CCDC149: variants seen among roughly 807,000 people sequenced by gnomAD.
The protein encoded by CCDC149 is coiled-coil domain-containing protein 149.
Under a neutral mutation model 59.9 loss-of-function variants are expected in CCDC149, and 45 were observed. The ratio of observed to expected loss-of-function variants is 0.75; its 90% CI spans 0.59 to 0.96. The LOEUF (loss-of-function observed/expected upper bound fraction) is 0.96. CCDC149 is among the 40% of genes least tolerant of loss of function. The pLI is 0.00. For synonymous variants in CCDC149, 245 were observed against 260.6 expected (o/e 0.94, Z 0.58); for missense variants, 584 against 664.7 (o/e 0.88, Z 1.33).
At chr4:24,864,731 T>C (rs1718592628) in intron 3 of CCDC149, among the ~76,000 whole-genome samples, 1 of 152,208 alleles carries the variant, frequency 6.6e-6, no homozygotes, top group East Asian at 1.9e-4. Flanking sequence ...TACAAAGTCA[T>C]CCCAAATCTT....
intron 1 of CCDC149, among the ~76,000 whole-genome samples, chr4:24,957,695 A>G (rs1208451446): frequency 6.6e-6 from 1 of 152,244 alleles, no homozygotes; most frequent in East Asian, 1.9e-4. Flanking sequence ...GAACATAACC[A>G]TGTCTGTGCA....
chr4:24,832,160 A>G (rs1716195530), intron 8 of CCDC149, among the ~76,000 whole-genome samples: 1 of 152,186 alleles, frequency 6.6e-6, no homozygotes, highest in Non-Finnish European at 1.5e-5. Flanking sequence ...TGCAAAATAT[A>G]TTTTGTATTT....
Position 24,906,406 on chromosome 4 carries a change from T to TTTTATTTTATTTTA in CCDC149, c.63+6410_63+6411insTAAAATAAAATAAA, listed in dbSNP as rs1560249602. ...TTTTATTTTATTTTATTTTATTTTA[T>TTTTATTTTATTTTA]TTTACTTTATTTGAGACAGAGTTTC... On this transcript the variant is annotated intron_variant, in intron 1 of 12. Transcript: ENST00000635206. Among the ~76,000 whole-genome samples, 27 of 145,988 alleles carry TTTTATTTTATTTTA rather than the reference T, an allele frequency of 1.8e-4. 1 individual carries two copies. The highest frequency in any genetic ancestry group is 6.0e-4 in the African/African-American group (23 of 38,222).
chr4:24,878,699 A>ACACT (rs1393130650), intron 1 of CCDC149, among the ~76,000 whole-genome samples: 7 of 152,190 alleles, frequency 4.6e-5, no homozygotes, highest in Non-Finnish European at 7.3e-5. Context: ...GGCCCCAAAG[A>ACACT]CACTCGTGCC....
chr4:24,858,819 C>A (rs16876245), intron 3 of CCDC149, among the ~76,000 whole-genome samples: 3,939 of 152,214 alleles, frequency 0.026, 164 homozygotes, highest in African/African-American at 0.089. Context: ...ATAGAGCTGT[C>A]GGATCTCACC....
chr4:24,947,156 T>A (rs1330524966), intron 1 of CCDC149, among the ~76,000 whole-genome samples: 1 of 152,246 alleles, frequency 6.6e-6, no homozygotes, highest in East Asian at 1.9e-4. Flanking sequence ...TTTTGCTTAG[T>A]GATATGGTTT....
At chr4:24,825,662 A>G (rs1715684100) in intron 9 of CCDC149, among the ~76,000 whole-genome samples, 1 of 151,590 alleles carries the variant, frequency 6.6e-6, no homozygotes, top group Non-Finnish European at 1.5e-5. Flanking sequence ...AGTCCCAGCT[A>G]CTCGGGAGGC....
At chr4:24,841,145 G>A (rs547505484) in intron 4 of CCDC149, among the ~76,000 whole-genome samples, 11 of 152,172 alleles carry the variant, frequency 7.2e-5, no homozygotes, top group Non-Finnish European at 1.0e-4. Context: ...CAGATCTGAG[G>A]GTCTAGGAAC....
intron 1 of CCDC149, among the ~76,000 whole-genome samples, chr4:24,899,138 G>C (rs1177287543): frequency 6.6e-6 from 1 of 152,186 alleles, no homozygotes; most frequent in Non-Finnish European, 1.5e-5. Flanking sequence ...CCAGGGAGAG[G>C]GGTTGAGAAT....
At chr4:24,871,279 T>C (rs1180078502) in intron 3 of CCDC149, among the ~76,000 whole-genome samples, 1 of 152,110 alleles carries the variant, frequency 6.6e-6, no homozygotes, top group Non-Finnish European at 1.5e-5. Flanking sequence ...TTCACCAGCA[T>C]AAAAAAGTCT....
Position 24,835,049 on chromosome 4 carries a change from A to AGCT in CCDC149, c.736-18_736-17insAGC. On this transcript the variant is annotated splice_polypyrimidine_tract_variant and intron_variant, in intron 7 of 12. Coordinates refer to ENST00000635206, the MANE Select transcript of CCDC149 (RefSeq NM_001330643.2). ...CAGAGCATTCTAAAACAGGATTGGGAGAGAATAAAAACCCGTCAGAAAAGC... is the reference window on the plus strand; with the variant it reads ...CAGAGCATTCTAAAACAGGATTGGGAGCTGAGAATAAAAACCCGTCAGAAAAGC... 6.3e-7 allele frequency: 1 copy of AGCT among 1,596,986 alleles called. No homozygotes were observed. The highest frequency in any genetic ancestry group is 8.6e-7 in the Non-Finnish European group (1 of 1,165,244).
chr4:24,853,222 G>A (rs2109185347), intron 3 of CCDC149, 43 bp from the exon 4 acceptor site: 1 of 1,432,826 alleles, frequency 7.0e-7, no homozygotes, highest in Non-Finnish European at 9.8e-7. Context: ...AGAAATGGAG[G>A]AGTGGATGAA....
chr4:24,928,633 T>C (rs984395906), intron 1 of CCDC149, among the ~76,000 whole-genome samples: 1 of 152,176 alleles, frequency 6.6e-6, no homozygotes, highest in Non-Finnish European at 1.5e-5. Context: ...CACCTGGCCC[T>C]TTCCCACCTC....
chr4:24,893,614 T>TTTTTTTTC (rs1720661292), intron 1 of CCDC149, among the ~76,000 whole-genome samples: 1 of 15,704 alleles, frequency 6.4e-5, no homozygotes, highest in Non-Finnish European at 1.3e-4. Flanking sequence ...AAATACAGAC[T>TTTTTTTTC]TTTTTTTTTT....
intron 1 of CCDC149, among the ~76,000 whole-genome samples, chr4:24,932,339 A>G (rs1404440940): frequency 1.3e-5 from 2 of 152,166 alleles, no homozygotes; most frequent in African/African-American, 4.8e-5. Context: ...CTGTACCAGG[A>G]ATCACTTTAG....
In CCDC149 at chr4:24,910,440, T is replaced by C. The variant is rs1216503722; in HGVS notation, c.63+2377A>G. On this transcript the variant is annotated intron_variant, in intron 1 of 12. Coordinates refer to ENST00000635206, the MANE Select transcript of CCDC149 (RefSeq NM_001330643.2). ...TGGGGTTAGGTCTCGGATGCAGCTATGGTGGGGAGGTGGGGGGAGCAGGAT... is the reference window on the plus strand; with the variant it reads ...TGGGGTTAGGTCTCGGATGCAGCTACGGTGGGGAGGTGGGGGGAGCAGGAT... Among the ~76,000 whole-genome samples, 3 of 152,120 alleles carry C rather than the reference T, an allele frequency of 2.0e-5. No individual in the cohort carries two copies. The South Asian group carries it at 6.2e-4, about 32-fold the overall frequency.
At position 24,837,425 on chromosome 4, in the gene CCDC149, C is replaced by T. The variant is rs1182085066; in HGVS notation, c.490-25G>A. ...TCTAAAACCACAGGGAGAGCCCTTA[C>T]TCAAGATGTTCCTCAGGCTCCAGCT... On this transcript the variant is annotated intron_variant, in intron 5 of 12. Coordinates refer to ENST00000635206, the MANE Select transcript of CCDC149 (RefSeq NM_001330643.2). This position sits in a 1 kb window ranked among gnomAD's most constrained non-coding sequence, Gnocchi z 4.3. 8 of 1,611,746 alleles carry T rather than the reference C, an allele frequency of 5.0e-6. No individual in the cohort carries two copies. Among genetic ancestry groups the T allele is most frequent in the Non-Finnish European group, 5.9e-6 (7 of 1,178,620 alleles).
chr4:24,907,778 C>G (rs1386582276), intron 1 of CCDC149, among the ~76,000 whole-genome samples: 3 of 152,164 alleles, frequency 2.0e-5, no homozygotes, highest in Non-Finnish European at 4.4e-5. Flanking sequence ...AACTGTTGCA[C>G]AGTCCTGGAG....
chr4:24,824,149 G>A (rs920552427), intron 9 of CCDC149, among the ~76,000 whole-genome samples: 2 of 152,178 alleles, frequency 1.3e-5, no homozygotes, highest in Admixed American at 6.5e-5. Flanking sequence ...AGCATTCGAA[G>A]GTGTGCTGAA....
Sources: allele counts gnomAD v4.1 joint callset (sites outside exome capture counted in the v4.1 genomes callset), GRCh38; gene constraint gnomAD v4.1.1; non-coding constraint Gnocchi (gnomAD v3.1); transcripts MANE v1.5; gene names NCBI Gene and HGNC (gene_info 2026-07-23, HGNC 2026-07-21).